The following CORO2B variants were observed in gnomAD, a reference collection of about 807,000 sequenced individuals.
CORO2B encodes the protein coronin-2B.
Under a neutral mutation model 58.8 loss-of-function variants are expected in CORO2B, and 26 were observed. The observed-to-expected ratio is 0.44, with a 90% CI of 0.32 to 0.61. CORO2B has a LOEUF of 0.61. Among genes scored for constraint, CORO2B ranks in the 20% least tolerant of loss-of-function variants. The pLI is 0.04. For synonymous variants in CORO2B, 242 were observed against 253.8 expected (o/e 0.95, Z 0.44); for missense variants, 460 against 645.1 (o/e 0.71, Z 3.11).
intron 1 of CORO2B, among the ~76,000 whole-genome samples, chr15:68,602,407 T>TCA (rs370587519): frequency 0.18 from 25,454 of 138,772 alleles, 2,146 homozygotes; most frequent in Middle Eastern, 0.21. Context: ...TAGGGGCTGA[T>TCA]CACACACACA....
At chr15:68,523,773 C>T in the CORO2B span, among the ~76,000 whole-genome samples, 4 of 152,074 alleles carry the variant, frequency 2.6e-5, no homozygotes, top group African/African-American at 9.7e-5. Flanking sequence ...TGTGGGTAAA[C>T]CCTACCAGGC....
At position 68,719,476 on chromosome 15, in the gene CORO2B, C is replaced by G. The variant is rs1893111833; in HGVS notation, c.1235C>G (p.Pro412Arg). The part of the protein sequence containing the change: ...KKSSKMVFKA[P>R]IKEKKSVVVN... ...TCCTCAAAAATGGTATTTAAGGCTC[C>G]CATCAAAGAAAAGAAGAGTGTTGTG... The change falls in exon 11 of 12, where the codon CCC (proline) becomes CGC (arginine). Residue 412 changes from proline to arginine, a missense_variant. Pro to Arg is a moderately radical substitution (Grantham distance 103). This residue lies in a region of CORO2B where 108 missense variants were observed against 102.1 expected (regional missense o/e 1.06). Coordinates refer to ENST00000261861, the MANE Select transcript of CORO2B (RefSeq NM_006091.5). 1 of 1,613,962 alleles carries G rather than the reference C, an allele frequency of 6.2e-7. No homozygotes were observed. Among genetic ancestry groups the G allele is most frequent in the African/African-American group, 1.3e-5 (1 of 74,876 alleles).
intron 6 of CORO2B, 57 bp downstream of exon 6, chr15:68,714,098 G>A: frequency 8.7e-7 from 1 of 1,152,524 alleles, no homozygotes; most frequent in South Asian, 1.3e-5. Flanking sequence ...TTGCCTCGGA[G>A]GTCACTTCCT....
chr15:68,694,926 T>G (rs957520259), intron 2 of CORO2B, among the ~76,000 whole-genome samples: 5 of 152,278 alleles, frequency 3.3e-5, no homozygotes, highest in Admixed American at 1.3e-4. Flanking sequence ...GTGGCCTCCC[T>G]GAACCATTCA....
At chr15:68,653,327 A>G (rs903361428) in intron 2 of CORO2B, among the ~76,000 whole-genome samples, 14 of 152,130 alleles carry the variant, frequency 9.2e-5, no homozygotes, top group Non-Finnish European at 1.3e-4. Flanking sequence ...TTGTAGTCCA[A>G]TTGGCTACCT....
chr15:68,670,731 C>T (rs1902363465), intron 2 of CORO2B, among the ~76,000 whole-genome samples: 1 of 152,072 alleles, frequency 6.6e-6, no homozygotes, highest in Non-Finnish European at 1.5e-5. Context: ...CCTTACAAAG[C>T]ATCAAAGACT....
chr15:68,710,435 GTTC>G lies in CORO2B; in HGVS notation c.334-291_334-289del, dbSNP rs907313674. 6.6e-6 allele frequency among the ~76,000 whole-genome samples: 1 copy of G among 152,236 alleles called. No individual in the cohort carries two copies. Among genetic ancestry groups the G allele is most frequent in the Admixed American group, 6.5e-5 (1 of 15,280 alleles). ...CATTTGCTAAAAGGGGCTCATGCAT[GTTC>G]TTCTTATCCGGGCTAGGCCACAGCA... On this transcript the variant is annotated intron_variant, in intron 3 of 11. Transcript: ENST00000261861. This position sits in a 1 kb window ranked among gnomAD's most constrained non-coding sequence, Gnocchi z 4.1.
intron 2 of CORO2B, among the ~76,000 whole-genome samples, chr15:68,686,228 G>GC (rs1902975419): frequency 6.6e-6 from 1 of 151,470 alleles, no homozygotes; most frequent in Admixed American, 6.6e-5. Context: ...TAGAGAGGGG[G>GC]TTCTGTCACG....
chr15:68,689,719 G>T (rs376639486), intron 2 of CORO2B, among the ~76,000 whole-genome samples: 4 of 152,200 alleles, frequency 2.6e-5, no homozygotes, highest in Non-Finnish European at 4.4e-5. Context: ...GACTTGGGGA[G>T]AAGATTGCTG....
At chr15:68,571,423 T>G in the CORO2B span, among the ~76,000 whole-genome samples, 1 of 152,128 alleles carries the variant, frequency 6.6e-6, no homozygotes, top group Middle Eastern at 3.2e-3. Flanking sequence ...AGATAAGAAA[T>G]TAGCCAGGAA....
the CORO2B span, among the ~76,000 whole-genome samples, chr15:68,531,334 C>CAAAAAAACAA: frequency 6.6e-6 from 1 of 151,128 alleles, no homozygotes; most frequent in Non-Finnish European, 1.5e-5. Context: ...TACAAAAATA[C>CAAAAAAACAA]AAAAAACAAA....
intron 1 of CORO2B, among the ~76,000 whole-genome samples, chr15:68,581,364 T>C (rs1416564808): frequency 6.6e-6 from 1 of 152,192 alleles, no homozygotes; most frequent in Non-Finnish European, 1.5e-5. Context: ...ACCAGCGTGT[T>C]CTTGTGGGGA....
rs533797853 is a variant in CORO2B, at chr15:68,610,050, G to A, written c.15+30773G>A. 7.9e-5 allele frequency among the ~76,000 whole-genome samples: 12 copies of A among 152,280 alleles called. No homozygotes were observed. In the South Asian group the frequency reaches 2.5e-3, roughly 32 times the overall value. ...ACTCAGGCATAGAGAGAAAATGGAT[G>A]CGGTGACAATTCCATGTGTTATTCA... On this transcript the variant is annotated intron_variant, in intron 1 of 11. Transcript: ENST00000261861.
At chr15:68,649,981 G>A (rs1901579893) in intron 2 of CORO2B, among the ~76,000 whole-genome samples, 1 of 152,148 alleles carries the variant, frequency 6.6e-6, no homozygotes, top group South Asian at 2.1e-4. Flanking sequence ...GATCTCCAGA[G>A]GTCCCCAGAC....
At chr15:68,713,752 A>T (rs1459679387) in intron 5 of CORO2B, among the ~76,000 whole-genome samples, 173 bp from the exon 6 acceptor site, 1 of 152,192 alleles carries the variant, frequency 6.6e-6, no homozygotes, top group African/African-American at 2.4e-5. Flanking sequence ...GGGTAATCTC[A>T]TCTCCAAATC....
chr15:68,592,302 T>A (rs921113158), intron 1 of CORO2B, among the ~76,000 whole-genome samples: 4 of 152,170 alleles, frequency 2.6e-5, no homozygotes, highest in African/African-American at 4.8e-5. Context: ...ATAAGGGAAT[T>A]TTCTGAGTCA....
intron 2 of CORO2B, among the ~76,000 whole-genome samples, chr15:68,680,004 C>G (rs1362431599): frequency 6.6e-6 from 1 of 152,086 alleles, no homozygotes; most frequent in Non-Finnish European, 1.5e-5. Flanking sequence ...AGTGATGGCC[C>G]AGGGCTGAGT....
Position 68,691,198 on chromosome 15 carries a change from G to A in CORO2B, c.217-3942G>A, listed in dbSNP as rs573774939. Among the ~76,000 whole-genome samples, 14 of 150,606 alleles carry A rather than the reference G, an allele frequency of 9.3e-5. No individual in the cohort carries two copies. The East Asian group carries it at 2.2e-3, about 24-fold the overall frequency. On this transcript the variant is annotated intron_variant, in intron 2 of 11. Coordinates refer to ENST00000261861, the MANE Select transcript of CORO2B (RefSeq NM_006091.5). The stretch of plus-strand genomic sequence containing the variant: ...CAAAAAATTAGCCGGGCAAGGTGGC[G>A]GGCGCCTGTGGTCTCAGCTACTCGG...
At chr15:68,609,489 G>A (rs1900197608) in intron 1 of CORO2B, among the ~76,000 whole-genome samples, 1 of 152,196 alleles carries the variant, frequency 6.6e-6, no homozygotes, top group African/African-American at 2.4e-5. Context: ...TTGAGCCTCT[G>A]TCCCAGACTT....
Sources: allele counts gnomAD v4.1 joint callset (sites outside exome capture counted in the v4.1 genomes callset), GRCh38; gene constraint gnomAD v4.1.1; regional missense constraint gnomAD v4.1.1; non-coding constraint Gnocchi (gnomAD v3.1); transcripts MANE v1.5; gene names NCBI Gene and HGNC (gene_info 2026-07-23, HGNC 2026-07-21).